MALRD1: variants seen among roughly 807,000 people sequenced by gnomAD.
The protein encoded by MALRD1 is MAM and LDL-receptor class A domain-containing protein 1.
Under a neutral mutation model 242.1 loss-of-function variants are expected in MALRD1, and 247 were observed. That is an observed-to-expected ratio of 1.02 (90% CI 0.92 to 1.13). The LOEUF is 1.13. MALRD1 is among the 50% of genes most tolerant of loss of function. The pLI is 0.00. For missense variants in MALRD1, 2,989 were observed against 2,533.1 expected, an observed-to-expected ratio of 1.18 and a Z score of -3.86; for synonymous variants, 995 against 866.6, an observed-to-expected ratio of 1.15 and a Z score of -2.60.
rs1362278384 is a variant in MALRD1, at chr10:19,112,520, C to T, written c.694+8445C>T. 5.9e-5 allele frequency among the ~76,000 whole-genome samples: 9 copies of T among 152,048 alleles called. No individual in the cohort carries two copies. The South Asian group carries it at 6.2e-4, about 10-fold the overall frequency. On this transcript the variant is annotated intron_variant, in intron 5 of 39. Coordinates refer to ENST00000454679, the MANE Select transcript of MALRD1 (RefSeq NM_001142308.3). ...TCATCACCCCCAGTACTGTTAGAGT[C>T]GGGGACCAAGGAATTTATTTTTTTG...
intron 18 of MALRD1, among the ~76,000 whole-genome samples, chr10:19,212,226 A>C (rs1837102410): frequency 6.6e-6 from 1 of 152,190 alleles, no homozygotes; most frequent in South Asian, 2.1e-4. Context: ...GCCTCTTTAT[A>C]ATACATTTCT....
At chr10:19,052,479 A>G (rs569662227) in intron 1 of MALRD1, among the ~76,000 whole-genome samples, 7 of 152,322 alleles carry the variant, frequency 4.6e-5, no homozygotes, top group African/African-American at 1.4e-4. Flanking sequence ...GATTCCCATC[A>G]TAACTGGTGG....
intron 36 of MALRD1, among the ~76,000 whole-genome samples, chr10:19,623,355 A>G (rs1839492522): frequency 6.6e-6 from 1 of 152,150 alleles, no homozygotes; most frequent in African/African-American, 2.4e-5. Context: ...AATTCATTTT[A>G]AAATATAGAG....
At chr10:19,557,196 C>T (rs1310496484) in intron 32 of MALRD1, among the ~76,000 whole-genome samples, 1 of 151,848 alleles carries the variant, frequency 6.6e-6, no homozygotes, top group African/African-American at 2.4e-5. Flanking sequence ...AATACCAGGC[C>T]TTATCAGATA....
chr10:19,064,193 G>A (rs1033089742), intron 1 of MALRD1, among the ~76,000 whole-genome samples: 3 of 152,132 alleles, frequency 2.0e-5, no homozygotes, highest in Admixed American at 1.3e-4. Flanking sequence ...AAAAAGTCCA[G>A]GAACTTGGAT....
At chr10:19,539,711 G>A (rs1438924759) in intron 32 of MALRD1, among the ~76,000 whole-genome samples, 1 of 151,670 alleles carries the variant, frequency 6.6e-6, no homozygotes, top group African/African-American at 2.4e-5. Flanking sequence ...TTTTGAGACA[G>A]GGTCTCACTC....
intron 36 of MALRD1, among the ~76,000 whole-genome samples, chr10:19,660,760 A>AAT (rs1841391723): frequency 6.6e-6 from 1 of 152,144 alleles, no homozygotes; most frequent in Non-Finnish European, 1.5e-5. Flanking sequence ...TTACATTTTC[A>AAT]TAAAAGAGAA....
intron 29 of MALRD1, among the ~76,000 whole-genome samples, chr10:19,454,061 A>G (rs1446526324): frequency 2.0e-5 from 3 of 152,108 alleles, no homozygotes; most frequent in Non-Finnish European, 4.4e-5. Flanking sequence ...CCCTGTCTCA[A>G]AGAAAAAAGA....
At chr10:19,511,425 T>A (rs907072877) in intron 31 of MALRD1, among the ~76,000 whole-genome samples, 1 of 152,174 alleles carries the variant, frequency 6.6e-6, no homozygotes, top group Non-Finnish European at 1.5e-5. Flanking sequence ...GCACTAAAAT[T>A]TATCCAAGGC....
At chr10:19,484,556 GT>G (rs1177921381) in intron 29 of MALRD1, among the ~76,000 whole-genome samples, 1 of 152,032 alleles carries the variant, frequency 6.6e-6, no homozygotes, top group Non-Finnish European at 1.5e-5. Context: ...AATAGCAACA[GT>G]TTTTTAAAAG....
intron 29 of MALRD1, among the ~76,000 whole-genome samples, chr10:19,466,228 C>CT (rs1172259971): frequency 6.6e-6 from 1 of 151,874 alleles, no homozygotes; most frequent in Non-Finnish European, 1.5e-5. Context: ...CTATATTAAC[C>CT]TTTTTTATAA....
intron 18 of MALRD1, among the ~76,000 whole-genome samples, chr10:19,230,347 C>G (rs2131693196): frequency 6.6e-6 from 1 of 152,164 alleles, no homozygotes; most frequent in African/African-American, 2.4e-5. Flanking sequence ...GCTCCTTGTT[C>G]TGCAGGCTGT....
At chr10:19,124,804 G>A (rs981283993) in intron 7 of MALRD1, 134 bp downstream of exon 7, 5 of 692,326 alleles carry the variant, frequency 7.2e-6, no homozygotes, top group East Asian at 6.9e-5. Flanking sequence ...TCTGCCAAAG[G>A]AGCTGAAGGT....
intron 18 of MALRD1, among the ~76,000 whole-genome samples, chr10:19,234,202 G>C (rs553082782): frequency 6.6e-6 from 1 of 151,668 alleles, no homozygotes; most frequent in Admixed American, 6.6e-5. Context: ...TCTATAAATT[G>C]TTTCTAATTC....
At chr10:19,348,199 A>G (rs147490647) in intron 25 of MALRD1, among the ~76,000 whole-genome samples, 181 bp downstream of exon 25, 8 of 152,302 alleles carry the variant, frequency 5.3e-5, no homozygotes, top group Non-Finnish European at 1.0e-4. Context: ...AAGGATTGCT[A>G]TAACTGTTGG....
At chr10:19,277,690 T>C (rs1431718907) in intron 19 of MALRD1, among the ~76,000 whole-genome samples, 1 of 152,254 alleles carries the variant, frequency 6.6e-6, no homozygotes, top group Non-Finnish European at 1.5e-5. Context: ...TTTTCTTCTT[T>C]AGCTATATCA....
intron 28 of MALRD1, among the ~76,000 whole-genome samples, chr10:19,422,647 G>A (rs1284691054): frequency 6.6e-6 from 1 of 152,086 alleles, no homozygotes; most frequent in Non-Finnish European, 1.5e-5. Flanking sequence ...CCTATGGTTT[G>A]CTGGAACTAT....
In MALRD1 at chr10:19,595,195, T is replaced by C; in HGVS notation, c.5682T>C (p.Gly1894=). ...AACTTGACTTGCTCTCTTTTTTAGG[T>C]CCTGTCCCAGTGCAGCCATCACCCT... is the stretch of plus-strand genomic sequence containing the variant. ...ISFTPECVTG[G]PVPVQPSPCE... is the part of the protein sequence containing the mutation. Residue 1894 remains glycine, a splice_region_variant and synonymous_variant, in exon 34 of 40, where the codon GGT becomes GGC. Coordinates refer to ENST00000454679, the MANE Select transcript of MALRD1 (RefSeq NM_001142308.3). The C allele has an allele frequency of 1.3e-6, 2 of 1,548,344 alleles. No homozygotes were observed. The highest frequency in any genetic ancestry group is 1.7e-6 in the Non-Finnish European group (2 of 1,145,518).
intron 19 of MALRD1, among the ~76,000 whole-genome samples, chr10:19,274,862 G>C (rs1564521112): frequency 6.6e-6 from 1 of 152,002 alleles, no homozygotes; most frequent in Non-Finnish European, 1.5e-5. Context: ...AATGGATATA[G>C]TTTCTGGTTT....
Sources: gnomAD v4.1 joint callset for allele counts (sites outside exome capture counted in the v4.1 genomes callset) on GRCh38, gnomAD v4.1.1 for gene constraint, MANE v1.5 for transcripts, NCBI Gene and HGNC (gene_info 2026-07-23, HGNC 2026-07-21) for gene names.